SEC16B: variants seen among roughly 807,000 people sequenced by gnomAD.
SEC16B encodes the protein protein transport protein Sec16B.
In SEC16B, 115 loss-of-function variants were observed where a neutral mutation model predicts 141.8. That is an observed-to-expected ratio of 0.81 (90% CI 0.70 to 0.95). The LOEUF (loss-of-function observed/expected upper bound fraction) is 0.95. Among genes scored for constraint, SEC16B ranks in the 40% least tolerant of loss-of-function variants. SEC16B has a pLI of 0.00. For missense variants in SEC16B, 1,291 were observed against 1,312.3 expected (o/e 0.98, Z 0.25); for synonymous variants, 493 against 492.5 (o/e 1.00, Z -0.01).
intron 5 of SEC16B, 129 bp from the exon 6 acceptor site, chr1:177,961,863 G>A: frequency 1.1e-6 from 1 of 892,334 alleles, no homozygotes. Context: ...AGATAATCAA[G>A]TTGATAGGCA....
At chr1:177,949,548 G>T (rs1441972898) in intron 12 of SEC16B, among the ~76,000 whole-genome samples, 1 of 151,878 alleles carries the variant, frequency 6.6e-6, no homozygotes, top group African/African-American at 2.4e-5. Context: ...GAGAGAGAAA[G>T]CACCAACATT....
intron 15 of SEC16B, among the ~76,000 whole-genome samples, chr1:177,943,313 C>G (rs533090014): frequency 2.0e-5 from 3 of 152,316 alleles, no homozygotes; most frequent in East Asian, 3.9e-4. Context: ...GGACAAATGC[C>G]TAATGCATGC....
intron 12 of SEC16B, chr1:177,948,688 T>C (rs919667935): frequency 8.0e-7 from 1 of 1,250,884 alleles, no homozygotes; most frequent in Non-Finnish European, 1.0e-6. Flanking sequence ...AAAGAAACAA[T>C]ATAATGTCAT....
chr1:177,966,105 T>TTG, intron 2 of SEC16B, 100 bp from the exon 3 acceptor site: 1 of 648,378 alleles, frequency 1.5e-6, no homozygotes. Flanking sequence ...GAGGACAGAG[T>TTG]TGTGACCCCA....
intron 2 of SEC16B, among the ~76,000 whole-genome samples, chr1:177,966,659 G>A (rs1453710617): frequency 2.6e-5 from 4 of 152,006 alleles, no homozygotes; most frequent in African/African-American, 7.3e-5. Context: ...TCCATCTCCC[G>A]GGTTTAAGTG....
At chr1:177,970,605 T>C (rs3813654), upstream of SEC16B, among the ~76,000 whole-genome samples, 9,199 of 152,222 alleles carry the variant, frequency 0.06, 372 homozygotes, top group South Asian at 0.1. Flanking sequence ...TTTCTCACCA[T>C]TGGGTTCTGG....
intron 13 of SEC16B, among the ~76,000 whole-genome samples, chr1:177,946,956 A>C (rs1021115151): frequency 2.0e-5 from 3 of 152,168 alleles, no homozygotes; most frequent in Admixed American, 2.0e-4. Flanking sequence ...CATAAAAATC[A>C]TATTAATTAC....
intron 20 of SEC16B, among the ~76,000 whole-genome samples, chr1:177,934,049 C>T (rs1650658923): frequency 2.0e-5 from 3 of 151,752 alleles, no homozygotes; most frequent in African/African-American, 7.2e-5. Context: ...CATCTTAGAG[C>T]TCATTTCCTA....
At chr1:177,939,885 G>A (rs954002585) in intron 17 of SEC16B, 108 bp from the exon 18 acceptor site, 38 of 900,560 alleles carry the variant, frequency 4.2e-5, no homozygotes, top group Non-Finnish European at 6.3e-5. Context: ...CAGTGGGAAA[G>A]ACAAGGTAAG....
intron 1 of SEC16B, among the ~76,000 whole-genome samples, chr1:177,982,322 A>G (rs888377413): frequency 1.3e-5 from 2 of 152,198 alleles, no homozygotes; most frequent in South Asian, 4.1e-4. Flanking sequence ...GGAAAGACTG[A>G]AGACACAGGC....
chr1:177,953,002 CA>C (rs1298871963), intron 11 of SEC16B, among the ~76,000 whole-genome samples: 13 of 99,130 alleles, frequency 1.3e-4, no homozygotes, highest in African/African-American at 3.8e-4. Flanking sequence ...ATGGAAGTGT[CA>C]TTTTTTTTTT....
At chr1:177,963,564 C>T (rs533038952) in intron 5 of SEC16B, among the ~76,000 whole-genome samples, 1 of 152,306 alleles carries the variant, frequency 6.6e-6, no homozygotes, top group South Asian at 2.1e-4. Flanking sequence ...GATTGCACCA[C>T]TGCACTTCAG....
Position 177,932,916 on chromosome 1 carries a change from G to T in SEC16B, c.2824-110C>A, listed in dbSNP as rs891277356. On this transcript the variant is annotated intron_variant, in intron 22 of 25. Transcript: ENST00000308284. ...GATGGCGGCCTTGCCACAAACTGCT[G>T]CTGGGCACTCCCCAAAACCCCCCTC... 9.4e-6 allele frequency: 10 copies of T among 1,068,280 alleles called. No homozygotes were observed. The African/African-American group carries it at 1.6e-4, about 17-fold the overall frequency. The allele number at this position is 1,068,280 out of a possible 1,614,324, so 66.2% of individuals were successfully genotyped here. A position where few individuals can be genotyped will look rare whatever the true frequency, so the allele number is the denominator to read the frequency against.
intron 14 of SEC16B, chr1:177,945,193 A>G (rs905445410): frequency 6.6e-6 from 1 of 152,614 alleles, no homozygotes; most frequent in South Asian, 2.1e-4. Flanking sequence ...CATACATTGG[A>G]TGTTCATTCC....
chr1:177,950,166 A>G (rs181191229), intron 12 of SEC16B, among the ~76,000 whole-genome samples: 1,542 of 152,184 alleles, frequency 0.01, 33 homozygotes, highest in African/African-American at 0.036. Flanking sequence ...AAAAAAAATG[A>G]AAAGTGTGAG....
At chr1:177,974,564 C>T (rs562864728), upstream of SEC16B, among the ~76,000 whole-genome samples, 1 of 151,940 alleles carries the variant, frequency 6.6e-6, no homozygotes, top group Non-Finnish European at 1.5e-5. Flanking sequence ...AAAATGTGTT[C>T]TCTGGATCAC....
upstream of SEC16B, among the ~76,000 whole-genome samples, chr1:177,973,809 T>C (rs572634025): frequency 6.6e-6 from 1 of 152,276 alleles, no homozygotes; most frequent in African/African-American, 2.4e-5. Context: ...TACAATGCAA[T>C]AGTAATACAA....
intron 19 of SEC16B, among the ~76,000 whole-genome samples, 152 bp from the exon 20 acceptor site, chr1:177,936,517 T>C (rs1228016083): frequency 6.6e-6 from 1 of 152,156 alleles, no homozygotes; most frequent in Non-Finnish European, 1.5e-5. Context: ...ATACAAAGAA[T>C]GCTCACGTAG....
chr1:177,937,397 G>A lies in SEC16B; in HGVS notation c.2320C>T (p.Gln774Ter), dbSNP rs1218908462. The A allele has an allele frequency of 1.2e-6, 2 of 1,611,718 alleles. No individual in the cohort carries two copies. The highest frequency in any genetic ancestry group is 3.3e-5 in the Admixed American group (2 of 59,708). Residue 774 changes from glutamine to a stop codon, truncating the protein, a stop_gained, in exon 19 of 26, where the codon CAG becomes TAG. Coordinates refer to ENST00000308284, the MANE Select transcript of SEC16B (RefSeq NM_033127.4). LOFTEE classifies it high-confidence loss of function. ...QTCLLQPSPQ[Q>*]PFPLQPGSYP... ...GAGCCCGGCTGGAGGGGAAAGGGCTGCTGTGGGCTGGGCTGGAGCAGGCAG... is the reference window on the plus strand; with the variant it reads ...GAGCCCGGCTGGAGGGGAAAGGGCTACTGTGGGCTGGGCTGGAGCAGGCAG...
Sources: gnomAD v4.1 joint callset for allele counts (sites outside exome capture counted in the v4.1 genomes callset) on GRCh38, gnomAD v4.1.1 for gene constraint, MANE v1.5 for transcripts, NCBI Gene and HGNC (gene_info 2026-07-23, HGNC 2026-07-21) for gene names.